The following LRRC14 variants were observed in gnomAD, a reference collection of about 807,000 sequenced individuals.
LRRC14 encodes leucine rich repeat containing 14, also known as leucine-rich repeat-containing protein 14.
LRRC14 carries 16 observed loss-of-function variants against 25.3 expected under a neutral mutation model. The observed-to-expected ratio is 0.63, with a 90% CI of 0.43 to 0.96. LRRC14 has a LOEUF of 0.96. Ranked by LOEUF, LRRC14 falls within the 40% of genes least tolerant of loss-of-function variation. LRRC14 has a pLI of 0.00. For synonymous variants in LRRC14, 359 were observed against 295.1 expected (o/e 1.22, Z -2.22); for missense variants, 594 against 660.5 (o/e 0.90, Z 1.10).
Position 144,523,142 on chromosome 8 carries a change from G to T in LRRC14, c.*1664G>T. 1 of 1,610,800 alleles carries T rather than the reference G, an allele frequency of 6.2e-7. No individual in the cohort carries two copies. Among genetic ancestry groups the T allele is most frequent in the South Asian group, 1.1e-5 (1 of 90,944 alleles). ...GCGAGGCTGGGGCACCTTTCTCCAG[G>T]TCACCAATGGCTGCGGGTAGCCGGA... On this transcript the variant is annotated 3_prime_UTR_variant, in exon 4 of 4. Coordinates refer to ENST00000292524, the MANE Select transcript of LRRC14 (RefSeq NM_014665.4).
chr8:144,524,090 G>A lies in LRRC14; in HGVS notation c.*2612G>A, dbSNP rs915190997. On this transcript the variant is annotated 3_prime_UTR_variant, in exon 4 of 4. Transcript: ENST00000292524. Reference sequence around the variant, plus strand: ...CCAACACCGTGGCCCAGACAGAGACGCTTTCCGAGGAAGAGGTACCTGTGA... The same window carrying A: ...CCAACACCGTGGCCCAGACAGAGACACTTTCCGAGGAAGAGGTACCTGTGA... 3 of 1,591,002 alleles carry A rather than the reference G, an allele frequency of 1.9e-6. No individual in the cohort carries two copies. Among genetic ancestry groups the A allele is most frequent in the Non-Finnish European group, 2.6e-6 (3 of 1,164,236 alleles).
chr8:144,523,219 C>T lies in LRRC14; in HGVS notation c.*1741C>T. The T allele has an allele frequency of 6.2e-7, 1 of 1,609,284 alleles. No homozygotes were observed. The highest frequency in any genetic ancestry group is 8.5e-7 in the Non-Finnish European group (1 of 1,178,398). On this transcript the variant is annotated 3_prime_UTR_variant, in exon 4 of 4. Transcript: ENST00000292524. ...CACCCAGGTTGGCTGTGAGCTCCAG[C>T]GGCTGCACGTGGACAGAGGGCGGAA...
In LRRC14 at chr8:144,523,984, C is replaced by T. The variant is rs1586855550; in HGVS notation, c.*2506C>T. ...CTCCCGCAGCCCTCCAGTGTGGCTG[C>T]AGGCGGTGGTGCAGCCTTCCAGACT... On this transcript the variant is annotated 3_prime_UTR_variant, in exon 4 of 4. Coordinates refer to ENST00000292524, the MANE Select transcript of LRRC14 (RefSeq NM_014665.4). The T allele has an allele frequency of 1.8e-6, 2 of 1,124,842 alleles. No individual in the cohort carries two copies. Among genetic ancestry groups the T allele is most frequent in the Non-Finnish European group, 2.5e-6 (2 of 787,114 alleles). The allele number at this position is 1,124,842 out of a possible 1,614,324, so 69.7% of individuals were successfully genotyped here.
Position 144,521,820 on chromosome 8 carries a change from T to G in LRRC14, c.*342T>G. 1 of 289,640 alleles carries G rather than the reference T, an allele frequency of 3.5e-6. No individual in the cohort carries two copies. Among genetic ancestry groups the G allele is most frequent in the Non-Finnish European group, 6.6e-6 (1 of 152,670 alleles). 17.9% of individuals were successfully genotyped at this position (289,640 alleles called of 1,614,324 possible). Reference sequence around the variant, plus strand: ...TCCAGTTGTGAGCTGAGAGAGATGATGGCCTCTCTGGGCCTTTCCTCTCCC... The same window carrying G: ...TCCAGTTGTGAGCTGAGAGAGATGAGGGCCTCTCTGGGCCTTTCCTCTCCC... On this transcript the variant is annotated 3_prime_UTR_variant, in exon 4 of 4. Transcript: ENST00000292524.
chr8:144,524,805 A>C lies in LRRC14; in HGVS notation c.*3327A>C. The C allele has an allele frequency of 6.9e-7, 1 of 1,451,250 alleles. No homozygotes were observed. The highest frequency in any genetic ancestry group is 9.0e-7 in the Non-Finnish European group (1 of 1,105,054). 89.9% of individuals were successfully genotyped at this position (1,451,250 alleles called of 1,614,324 possible). On this transcript the variant is annotated 3_prime_UTR_variant, in exon 4 of 4. Coordinates refer to ENST00000292524, the MANE Select transcript of LRRC14 (RefSeq NM_014665.4). ...GCACCCCGTCCTCCCGCAGCTCCAC[A>C]CGGTGCCCACCTGCGTCCCTGGCGG...
chr8:144,521,712 G>T lies in LRRC14; in HGVS notation c.*234G>T. ...TCATCTGTGGGCCCCGGGGCTGGATGTCAGGCCTCCATTGCCCTGCTCAGT... is the reference window on the plus strand; with the variant it reads ...TCATCTGTGGGCCCCGGGGCTGGATTTCAGGCCTCCATTGCCCTGCTCAGT... On this transcript the variant is annotated 3_prime_UTR_variant, in exon 4 of 4. Transcript: ENST00000292524. 1.8e-6 allele frequency: 1 copy of T among 562,480 alleles called. No homozygotes were observed. The highest frequency in any genetic ancestry group is 3.2e-6 in the Non-Finnish European group (1 of 316,142). 34.8% of individuals were successfully genotyped at this position (562,480 alleles called of 1,614,324 possible). A position where few individuals can be genotyped will look rare whatever the true frequency, so the allele number is the denominator to read the frequency against.
chr8:144,521,508 C>T lies in LRRC14; in HGVS notation c.*30C>T. 6.4e-7 allele frequency: 1 copy of T among 1,571,084 alleles called. No homozygotes were observed. The highest frequency in any genetic ancestry group is 8.6e-7 in the Non-Finnish European group (1 of 1,161,858). ...GTAGCTCTGGGTGAGACACAGGCCG[C>T]CCTGCAGTCTCTTTAGGTAGGCAGG... On this transcript the variant is annotated 3_prime_UTR_variant, in exon 4 of 4. Coordinates refer to ENST00000292524, the MANE Select transcript of LRRC14 (RefSeq NM_014665.4).
Position 144,520,186 on chromosome 8 carries a change from G to T in LRRC14, c.330-52G>T, listed in dbSNP as rs1017294161. 2.5e-5 allele frequency: 39 copies of T among 1,582,516 alleles called. No homozygotes were observed. In the South Asian group the frequency reaches 3.4e-4, roughly 14 times the overall value. ...GCTCCTGTCCCAAGGTGGCTGGGAGGGGGTATGGGCGCTGCCCCTCCACCC... is the reference window on the plus strand; with the variant it reads ...GCTCCTGTCCCAAGGTGGCTGGGAGTGGGTATGGGCGCTGCCCCTCCACCC... On this transcript the variant is annotated intron_variant, in intron 2 of 3. Transcript: ENST00000292524.
In LRRC14 at chr8:144,525,017, C is replaced by G. The variant is rs764755092; in HGVS notation, c.*3539C>G. On this transcript the variant is annotated 3_prime_UTR_variant, in exon 4 of 4. Transcript: ENST00000292524. ...CTCACCGGCCCTTCCGCGGTTCAGC[C>G]GCAGACGCGTGCCCTCCTGAAACAC... 7.2e-7 allele frequency: 1 copy of G among 1,398,112 alleles called. No homozygotes were observed. Among genetic ancestry groups the G allele is most frequent in the Non-Finnish European group, 9.3e-7 (1 of 1,079,572 alleles). The allele number at this position is 1,398,112 out of a possible 1,614,324, so 86.6% of individuals were successfully genotyped here. A position where few individuals can be genotyped will look rare whatever the true frequency, so the allele number is the denominator to read the frequency against.
At position 144,521,535 on chromosome 8, in the gene LRRC14, C is replaced by A; in HGVS notation, c.*57C>A. On this transcript the variant is annotated 3_prime_UTR_variant, in exon 4 of 4. Coordinates refer to ENST00000292524, the MANE Select transcript of LRRC14 (RefSeq NM_014665.4). The stretch of plus-strand genomic sequence containing the variant: ...CTGCAGTCTCTTTAGGTAGGCAGGG[C>A]CTTTGCTGGGACCCCTGGTGGAGGC... The A allele has an allele frequency of 2.0e-6, 3 of 1,504,798 alleles. No homozygotes were observed. Among genetic ancestry groups the A allele is most frequent in the Admixed American group, 2.0e-5 (1 of 50,688 alleles). The allele number at this position is 1,504,798 out of a possible 1,614,324, so 93.2% of individuals were successfully genotyped here.
rs1816256593 is a variant in LRRC14 at position 144,524,241 on chromosome 8, T to G, written c.*2763T>G. ...CGCTAGAGCCTGGTCCTCCAGCAGC[T>G]CAATGCTGTTTTCTTGCAGGTGAAG... On this transcript the variant is annotated 3_prime_UTR_variant, in exon 4 of 4. Transcript: ENST00000292524. 1.2e-6 allele frequency: 2 copies of G among 1,612,604 alleles called. No homozygotes were observed. The highest frequency in any genetic ancestry group is 1.7e-6 in the Non-Finnish European group (2 of 1,179,958).
rs940610304 is a variant in LRRC14, at chr8:144,523,003, C to T, written c.*1525C>T. On this transcript the variant is annotated 3_prime_UTR_variant, in exon 4 of 4. Coordinates refer to ENST00000292524, the MANE Select transcript of LRRC14 (RefSeq NM_014665.4). ...CCTCGCACTCGTACTTACCGGCGTG[C>T]GCCAGCGTGATGTTGCTGAGGAAGA... 1.9e-6 allele frequency: 3 copies of T among 1,596,068 alleles called. No individual in the cohort carries two copies. The highest frequency in any genetic ancestry group is 1.7e-4 in the Middle Eastern group (1 of 5,968).
Position 144,521,069 on chromosome 8 carries a change from G to A in LRRC14, c.1073G>A (p.Gly358Asp). 1 of 1,613,024 alleles carries A rather than the reference G, an allele frequency of 6.2e-7. No homozygotes were observed. The highest frequency in any genetic ancestry group is 8.5e-7 in the Non-Finnish European group (1 of 1,180,028). ...LSGSQLAPFQ[G>D]LLQASAATLL... is the part of the protein sequence containing the mutation. ...GGCAGCCAGCTGGCACCCTTCCAGG[G>A]TCTGTTGCAGGCATCAGCAGCCACA... is the stretch of plus-strand genomic sequence containing the variant. The change falls in exon 4 of 4, where the codon GGT (glycine) becomes GAT (aspartate). Residue 358 changes from glycine to aspartate, a missense_variant. By Grantham distance (94) the Gly-to-Asp change is moderately conservative. Transcript: ENST00000292524.
chr8:144,519,319 T>G lies in LRRC14; in HGVS notation c.-111-296T>G, dbSNP rs143209208. The G allele has an allele frequency of 1.1e-4, 31 of 281,408 alleles. No individual in the cohort carries two copies. In the East Asian group the frequency reaches 2.4e-3, roughly 22 times the overall value. 17.4% of individuals were successfully genotyped at this position (281,408 alleles called of 1,614,324 possible). ...AGGTTGGTGGGGAGAGTCCTGGGCTTTATTCAGGTTTCGAAGAAGGTTTTG... is the reference window on the plus strand; with the variant it reads ...AGGTTGGTGGGGAGAGTCCTGGGCTGTATTCAGGTTTCGAAGAAGGTTTTG... On this transcript the variant is annotated intron_variant, in intron 1 of 3. Transcript: ENST00000292524.
chr8:144,522,479 C>T lies in LRRC14; in HGVS notation c.*1001C>T, dbSNP rs1310922579. ...GTCATCCGCGCGCCCGCGGCCCTAG[C>T]AGTGGATCTCGTAGGCGACCGGCGG... is the stretch of plus-strand genomic sequence containing the variant. On this transcript the variant is annotated 3_prime_UTR_variant, in exon 4 of 4. Transcript: ENST00000292524. 2.0e-6 allele frequency: 3 copies of T among 1,482,370 alleles called. No individual in the cohort carries two copies. Among genetic ancestry groups the T allele is most frequent in the Non-Finnish European group, 2.7e-6 (3 of 1,124,478 alleles). The allele number at this position is 1,482,370 out of a possible 1,614,324, so 91.8% of individuals were successfully genotyped here.
In LRRC14 at chr8:144,524,908, A is replaced by G; in HGVS notation, c.*3430A>G. The G allele has an allele frequency of 6.6e-7, 1 of 1,514,796 alleles. No individual in the cohort carries two copies. Among genetic ancestry groups the G allele is most frequent in the Non-Finnish European group, 8.8e-7 (1 of 1,133,032 alleles). The allele number at this position is 1,514,796 out of a possible 1,614,324, so 93.8% of individuals were successfully genotyped here. A position where few individuals can be genotyped will look rare whatever the true frequency, so the allele number is the denominator to read the frequency against. On this transcript the variant is annotated 3_prime_UTR_variant, in exon 4 of 4. Coordinates refer to ENST00000292524, the MANE Select transcript of LRRC14 (RefSeq NM_014665.4). ...CTGTAGCAGCGGCAGGCTGCTGGGC[A>G]GCCGGCGGCGCGGAGCGGCAGTAGT...
Position 144,520,089 on chromosome 8 carries a change from G to T in LRRC14, c.329+35G>T, listed in dbSNP as rs779961185. 1.0e-5 allele frequency: 16 copies of T among 1,585,730 alleles called. No individual in the cohort carries two copies. The Middle Eastern group carries it at 1.7e-3, about 165-fold the overall frequency. ...TATCTGGAGGGTCGTCAGGCCAGGG[G>T]TGTGTAAGTGGGTCCCCTGAGGAGG... On this transcript the variant is annotated intron_variant, in intron 2 of 3. Transcript: ENST00000292524.
Position 144,519,813 on chromosome 8 carries a change from C to G in LRRC14, c.88C>G (p.Leu30Val). 1.2e-6 allele frequency: 2 copies of G among 1,613,326 alleles called. No individual in the cohort carries two copies. The highest frequency in any genetic ancestry group is 1.1e-5 in the South Asian group (1 of 91,090). Residue 30 changes from leucine (L) to valine (V), a missense_variant, in exon 2 of 4, where the codon CTC becomes GTC. Physicochemically the swap from Leu to Val is conservative, Grantham distance 32. Coordinates refer to ENST00000292524, the MANE Select transcript of LRRC14 (RefSeq NM_014665.4). ...CQALPLLPRE[L>V]FPLLFKVAFM... Reference sequence around the variant, plus strand: ...GGCCCTGCCCTTGCTGCCACGCGAACTCTTCCCCCTGCTGTTCAAGGTGGC... The same window carrying G: ...GGCCCTGCCCTTGCTGCCACGCGAAGTCTTCCCCCTGCTGTTCAAGGTGGC...
At position 144,524,916 on chromosome 8, in the gene LRRC14, G is replaced by T. The variant is rs1816304831; in HGVS notation, c.*3438G>T. The T allele has an allele frequency of 2.0e-6, 3 of 1,513,942 alleles. No individual in the cohort carries two copies. 93.8% of individuals were successfully genotyped at this position (1,513,942 alleles called of 1,614,324 possible). A position where few individuals can be genotyped will look rare whatever the true frequency, so the allele number is the denominator to read the frequency against. On this transcript the variant is annotated 3_prime_UTR_variant, in exon 4 of 4. Coordinates refer to ENST00000292524, the MANE Select transcript of LRRC14 (RefSeq NM_014665.4). ...GCGGCAGGCTGCTGGGCAGCCGGCG[G>T]CGCGGAGCGGCAGTAGTAGCAGCAG...
Sources: allele counts gnomAD v4.1 joint callset, GRCh38; gene constraint gnomAD v4.1.1; transcripts MANE v1.5; gene names NCBI Gene and HGNC (gene_info 2026-07-23, HGNC 2026-07-21).